The following CHPF2 variants were observed in gnomAD, a reference collection of about 807,000 sequenced individuals.
CHPF2 encodes chondroitin polymerizing factor 2.
In CHPF2, 58 loss-of-function variants were observed where a neutral mutation model predicts 63.0. The ratio of observed to expected loss-of-function variants is 0.92; its 90% CI spans 0.75 to 1.15. The LOEUF (loss-of-function observed/expected upper bound fraction) is 1.15. Ranked by LOEUF, CHPF2 falls within the 50% of genes most tolerant of loss-of-function variation. The probability of loss-of-function intolerance (pLI) is 0.00; values close to 1 mark genes in which losing one functional copy is unlikely to be tolerated. For synonymous variants in CHPF2, 442 were observed against 438.0 expected (o/e 1.01, Z -0.11); for missense variants, 1,045 against 1,035.4 (o/e 1.01, Z -0.13).
rs1802502872 is a variant in CHPF2, at chr7:151,232,651, G to T, written c.-1361G>T. The T allele has an allele frequency of 7.2e-6, 8 of 1,108,236 alleles. No individual in the cohort carries two copies. Among genetic ancestry groups the T allele is most frequent in the Admixed American group, 2.9e-5 (1 of 34,174 alleles). The allele number at this position is 1,108,236 out of a possible 1,614,324, so 68.7% of individuals were successfully genotyped here. ...CCTCCGCCCCGCCCCCTCCCGGGAC[G>T]CCGGGAGACCCCGGCCGTCCTTTAT... On this transcript the variant is annotated 5_prime_UTR_variant, in exon 1 of 4. Coordinates refer to ENST00000035307, the MANE Select transcript of CHPF2 (RefSeq NM_019015.3).
At position 151,235,179 on chromosome 7, in the gene CHPF2, T is replaced by C. The variant is rs779284744; in HGVS notation, c.395T>C (p.Leu132Pro). The change falls in exon 2 of 4, where the codon CTC (leucine) becomes CCC (proline). Residue 132 changes from leucine to proline, a missense_variant. Leu to Pro is a moderately conservative substitution (Grantham distance 98, BLOSUM62 -3). Transcript: ENST00000035307. ...RTVAHHFPRL[L>P]YFTGQRGARA... ...GTGGCCCATCACTTCCCTCGGTTAC[T>C]CTACTTCACTGGGCAGCGGGGGGCC... 1 of 1,613,426 alleles carries C rather than the reference T, an allele frequency of 6.2e-7. No individual in the cohort carries two copies. The highest frequency in any genetic ancestry group is 8.5e-7 in the Non-Finnish European group (1 of 1,179,714).
At chr7:151,237,186 C>T (rs1308473150) in intron 3 of CHPF2, 188 bp from the exon 4 acceptor site, 2 of 612,398 alleles carry the variant, frequency 3.3e-6, no homozygotes, top group Non-Finnish European at 5.8e-6. Flanking sequence ...AGTATGATTC[C>T]TATTCCATCT....
Position 151,232,609 on chromosome 7 carries a change from C to T in CHPF2, c.-1403C>T. 1.6e-5 allele frequency: 11 copies of T among 684,038 alleles called. No homozygotes were observed. Among genetic ancestry groups the T allele is most frequent in the Non-Finnish European group, 2.5e-5 (11 of 439,118 alleles). The allele number at this position is 684,038 out of a possible 1,614,324, so 42.4% of individuals were successfully genotyped here. A position where few individuals can be genotyped will look rare whatever the true frequency, so the allele number is the denominator to read the frequency against. On this transcript the variant is annotated 5_prime_UTR_variant, in exon 1 of 4. Coordinates refer to ENST00000035307, the MANE Select transcript of CHPF2 (RefSeq NM_019015.3). Reference sequence around the variant, plus strand: ...TCCCTGCCAGGCGCGTGCGGGACGCCGCTCTTGGTCCCCACGCCTCCGCCC... The same window carrying T: ...TCCCTGCCAGGCGCGTGCGGGACGCTGCTCTTGGTCCCCACGCCTCCGCCC...
Position 151,232,662 on chromosome 7 carries a change from C to T in CHPF2, c.-1350C>T. ...CCCCCTCCCGGGACGCCGGGAGACC[C>T]CGGCCGTCCTTTATCCGGTGTCCGC... On this transcript the variant is annotated 5_prime_UTR_variant, in exon 1 of 4. Coordinates refer to ENST00000035307, the MANE Select transcript of CHPF2 (RefSeq NM_019015.3). 1.6e-6 allele frequency: 2 copies of T among 1,249,444 alleles called. No homozygotes were observed. Among genetic ancestry groups the T allele is most frequent in the Non-Finnish European group, 2.2e-6 (2 of 927,698 alleles). The allele number at this position is 1,249,444 out of a possible 1,614,324, so 77.4% of individuals were successfully genotyped here. A position where few individuals can be genotyped will look rare whatever the true frequency, so the allele number is the denominator to read the frequency against.
At position 151,233,512 on chromosome 7, in the gene CHPF2, C is replaced by A; in HGVS notation, c.-500C>A. ...CCCGCCTGAGGACCGATGCCAGAGG[C>A]AGGCATTCTTCCGGAAAGGCCCACT... On this transcript the variant is annotated 5_prime_UTR_variant, in exon 1 of 4. Coordinates refer to ENST00000035307, the MANE Select transcript of CHPF2 (RefSeq NM_019015.3). The A allele has an allele frequency of 1.0e-6, 1 of 986,038 alleles. No individual in the cohort carries two copies. 61.1% of individuals were successfully genotyped at this position (986,038 alleles called of 1,614,324 possible). A position where few individuals can be genotyped will look rare whatever the true frequency, so the allele number is the denominator to read the frequency against.
At position 151,237,629 on chromosome 7, in the gene CHPF2, C is replaced by G. The variant is rs776052782; in HGVS notation, c.1267C>G (p.Arg423Gly). Residue 423 changes from arginine to glycine, a missense_variant, in exon 4 of 4, where the codon CGC becomes GGC. Physicochemically the swap from Arg to Gly is moderately radical, Grantham distance 125. Coordinates refer to ENST00000035307, the MANE Select transcript of CHPF2 (RefSeq NM_019015.3). ...QLNRRYQPRLRFQKQRLLNGY... is the reference protein window; with the variant it reads ...QLNRRYQPRLGFQKQRLLNGY... The stretch of plus-strand genomic sequence containing the variant: ...CAATCGGCGCTATCAGCCCCGCCTG[C>G]GCTTCCAGAAGCAGCGACTGCTCAA... The G allele has an allele frequency of 1.2e-6, 2 of 1,613,242 alleles. No homozygotes were observed. The highest frequency in any genetic ancestry group is 3.3e-5 in the Admixed American group (2 of 60,036).
chr7:151,236,557 G>A lies in CHPF2; in HGVS notation c.978G>A (p.Leu326=), dbSNP rs1447473256. The change falls in exon 3 of 4, where the codon TTG becomes TTA. Residue 326 remains leucine, a synonymous_variant. Transcript: ENST00000035307. ...ACAAACGCTTCAGCGCTCTGGAGTT[G>A]GAGCGGGCTTACAGTGAAATAGAAC... The part of the protein sequence containing the change: ...RLHKRFSALE[L]ERAYSEIEQL... The A allele has an allele frequency of 1.9e-6, 3 of 1,598,756 alleles. No individual in the cohort carries two copies. Among genetic ancestry groups the A allele is most frequent in the Non-Finnish European group, 2.6e-6 (3 of 1,169,384 alleles).
chr7:151,233,553 T>A lies in CHPF2; in HGVS notation c.-459T>A. The A allele has an allele frequency of 1.0e-6, 1 of 986,672 alleles. No individual in the cohort carries two copies. Among genetic ancestry groups the A allele is most frequent in the Non-Finnish European group, 1.2e-6 (1 of 830,816 alleles). 61.1% of individuals were successfully genotyped at this position (986,672 alleles called of 1,614,324 possible). ...AAGGCCCACTGAGGCAGGCTCCGGCTCCTCTGGTTGGGGCTGTTGTTTTGA... is the reference window on the plus strand; with the variant it reads ...AAGGCCCACTGAGGCAGGCTCCGGCACCTCTGGTTGGGGCTGTTGTTTTGA... On this transcript the variant is annotated 5_prime_UTR_variant, in exon 1 of 4. Transcript: ENST00000035307.
Position 151,238,286 on chromosome 7 carries a change from G to T in CHPF2, c.1924G>T (p.Ala642Ser). 1 of 1,611,112 alleles carries T rather than the reference G, an allele frequency of 6.2e-7. No homozygotes were observed. Among genetic ancestry groups the T allele is most frequent in the South Asian group, 1.1e-5 (1 of 91,034 alleles). Residue 642 changes from alanine to serine, a missense_variant, in exon 4 of 4, where the codon GCT becomes TCT. By Grantham distance (99) the Ala-to-Ser change is moderately conservative. Coordinates refer to ENST00000035307, the MANE Select transcript of CHPF2 (RefSeq NM_019015.3). ...PQRSPPGPPG[A>S]GPDPPSPPGA... ...GAGATCACCCCCAGGGCCCCCGGGG[G>T]CTGGCCCTGACCCCCCCTCCCCTCC...
Position 151,237,899 on chromosome 7 carries a change from A to G in CHPF2, c.1537A>G (p.Asn513Asp), listed in dbSNP as rs1584857047. 1.2e-6 allele frequency: 2 copies of G among 1,612,804 alleles called. No individual in the cohort carries two copies. The highest frequency in any genetic ancestry group is 1.6e-4 in the Middle Eastern group (1 of 6,062). ...GGCTTTCCTCGAGGCCTTTGCAGCC[A>G]ATGTCCTGGAGCCACGAGAACATGC... Reference protein sequence around the residue: ...APAFLEAFAANVLEPREHALL... With the variant: ...APAFLEAFAADVLEPREHALL... The change falls in exon 4 of 4, where the codon AAT (asparagine) becomes GAT (aspartate). Residue 513 changes from asparagine (N) to aspartate (D), a missense_variant. Coordinates refer to ENST00000035307, the MANE Select transcript of CHPF2 (RefSeq NM_019015.3).
At position 151,238,803 on chromosome 7, in the gene CHPF2, T is replaced by TA; in HGVS notation, c.*125dup. 6.5e-7 allele frequency: 1 copy of TA among 1,542,688 alleles called. No homozygotes were observed. The highest frequency in any genetic ancestry group is 8.7e-7 in the Non-Finnish European group (1 of 1,148,420). ...TATTTTTTAAATATGAAAATGTTAT[T>TA]AAACATGTCTTCTGCCAAACTGTTT... On this transcript the variant is annotated 3_prime_UTR_variant, in exon 4 of 4. Transcript: ENST00000035307.
Position 151,235,080 on chromosome 7 carries a change from G to A in CHPF2, c.296G>A (p.Arg99His), listed in dbSNP as rs761934533. The A allele has an allele frequency of 1.5e-5, 23 of 1,576,552 alleles. No homozygotes were observed. Among genetic ancestry groups the A allele is most frequent in the East Asian group, 2.3e-5 (1 of 44,394 alleles). ...TACATCCAGACAGAGCTGGGCTCCC[G>A]TGAGCGGTTGCTGGTGGCTGTCCTG... ...TRYIQTELGS[R>H]ERLLVAVLTS... The change falls in exon 2 of 4, where the codon CGT becomes CAT. Residue 99 changes from arginine (R) to histidine (H), a missense_variant. Physicochemically the swap from Arg to His is conservative, Grantham distance 29. Transcript: ENST00000035307.
chr7:151,238,276 GC>G lies in CHPF2; in HGVS notation c.1919del (p.Pro640ArgfsTer21). ...TGTCACCACAGAGATCACCCCCAGG[GC>G]CCCCGGGGGCTGGCCCTGACCCCCC... ...ALSPQRSPPG[P>X]PGAGPDPPSP... On this transcript the variant is annotated frameshift_variant, in exon 4 of 4. Transcript: ENST00000035307. LOFTEE classifies it high-confidence loss of function. The G allele has an allele frequency of 6.2e-7, 1 of 1,611,572 alleles. No individual in the cohort carries two copies. Among genetic ancestry groups the G allele is most frequent in the Non-Finnish European group, 8.5e-7 (1 of 1,179,184 alleles).
chr7:151,234,326 G>T, intron 1 of CHPF2, 52 bp downstream of exon 1: 1 of 1,362,046 alleles, frequency 7.3e-7, no homozygotes. Context: ...GTTTTGGGCT[G>T]GTGTAAATCC....
At chr7:151,234,967 C>T (rs1393211421) in intron 1 of CHPF2, 81 bp from the exon 2 acceptor site, 10 of 1,151,536 alleles carry the variant, frequency 8.7e-6, no homozygotes, top group Non-Finnish European at 1.2e-5. Context: ...CAACTCACTC[C>T]TAGAGGGGGA....
In CHPF2 at chr7:151,235,405, A is replaced by G. The variant is rs757316830; in HGVS notation, c.621A>G (p.Leu207=). 1.2e-6 allele frequency: 2 copies of G among 1,613,310 alleles called. No homozygotes were observed. Among genetic ancestry groups the G allele is most frequent in the Non-Finnish European group, 1.7e-6 (2 of 1,180,040 alleles). Reference sequence around the variant, plus strand: ...TCAGCATCAACCAAGACCTGTACTTAGGCCGGGCAGAGGAGTTCATTGGCG... The same window carrying G: ...TCAGCATCAACCAAGACCTGTACTTGGGCCGGGCAGAGGAGTTCATTGGCG... ...GHLSINQDLY[L]GRAEEFIGAG... Residue 207 remains leucine, a synonymous_variant, in exon 2 of 4, where the codon TTA becomes TTG. Coordinates refer to ENST00000035307, the MANE Select transcript of CHPF2 (RefSeq NM_019015.3).
chr7:151,233,661 C>T lies in CHPF2; in HGVS notation c.-351C>T. 9.7e-7 allele frequency: 1 copy of T among 1,031,254 alleles called. No individual in the cohort carries two copies. The highest frequency in any genetic ancestry group is 1.2e-6 in the Non-Finnish European group (1 of 860,762). The allele number at this position is 1,031,254 out of a possible 1,614,324, so 63.9% of individuals were successfully genotyped here. A position where few individuals can be genotyped will look rare whatever the true frequency, so the allele number is the denominator to read the frequency against. ...CCAGTCTGCAGATGTGTGTAGTGTT[C>T]CTTTTTGGGTTAGCTTTGGCAGTAT... On this transcript the variant is annotated 5_prime_UTR_variant, in exon 1 of 4. Coordinates refer to ENST00000035307, the MANE Select transcript of CHPF2 (RefSeq NM_019015.3).
At position 151,234,288 on chromosome 7, in the gene CHPF2, G is replaced by T; in HGVS notation, c.263+14G>T. 1 of 1,536,904 alleles carries T rather than the reference G, an allele frequency of 6.5e-7. No individual in the cohort carries two copies. Among genetic ancestry groups the T allele is most frequent in the Middle Eastern group, 1.7e-4 (1 of 5,732 alleles). On this transcript the variant is annotated intron_variant, in intron 1 of 3. Transcript: ENST00000035307. ...GAAGGTGCTCAGGTGAGAGCAACATGTGTGCATAGTCCCCAGACACTGGCC... is the reference window on the plus strand; with the variant it reads ...GAAGGTGCTCAGGTGAGAGCAACATTTGTGCATAGTCCCCAGACACTGGCC...
In CHPF2 at chr7:151,237,955, A is replaced by T; in HGVS notation, c.1593A>T (p.Pro531=). The T allele has an allele frequency of 1.2e-6, 2 of 1,613,162 alleles. No homozygotes were observed. The highest frequency in any genetic ancestry group is 2.2e-5 in the East Asian group (1 of 44,880). ...TCACCCTGTTGCTGGTCTACGGGCC[A>T]CGAGAAGGTGGCCGTGGAGCTCCAG... ...ALLTLLLVYG[P]REGGRGAPDP... is the part of the protein sequence containing the mutation. Residue 531 remains proline (P), a synonymous_variant, in exon 4 of 4, where the codon CCA becomes CCT. Coordinates refer to ENST00000035307, the MANE Select transcript of CHPF2 (RefSeq NM_019015.3).
Sources: gnomAD v4.1 joint callset for allele counts on GRCh38, gnomAD v4.1.1 for gene constraint, MANE v1.5 for transcripts, NCBI Gene and HGNC (gene_info 2026-07-23, HGNC 2026-07-21) for gene names.